Variants in XKR6 observed in about 807,000 individuals in gnomAD.
The protein encoded by XKR6 is XK related 6.
XKR6 carries 22 observed loss-of-function variants against 56.7 expected under a neutral mutation model. That is an observed-to-expected ratio of 0.39 (90% CI 0.28 to 0.55). XKR6 has a LOEUF of 0.55. Among genes scored for constraint, XKR6 ranks in the 20% least tolerant of loss-of-function variants. The probability of loss-of-function intolerance (pLI) is 0.66; values close to 1 mark genes in which losing one functional copy is unlikely to be tolerated. For synonymous variants in XKR6, 524 were observed against 387.8 expected, an observed-to-expected ratio of 1.35 and a Z score of -4.13; for missense variants, 852 against 889.0, an observed-to-expected ratio of 0.96 and a Z score of 0.53.
rs1804130853 is a variant in XKR6 at position 11,200,234 on chromosome 8, A to G, written c.764+342T>C. Among the ~76,000 whole-genome samples, 1 of 152,204 alleles carries G rather than the reference A, an allele frequency of 6.6e-6. No homozygotes were observed. The highest frequency in any genetic ancestry group is 6.5e-5 in the Admixed American group (1 of 15,288). ...GGGGCCGCGAGCTGGGGTGCAGCCC[A>G]GGGCGCCCGCAGCTGGTTACCTCGG... On this transcript the variant is annotated intron_variant, in intron 1 of 2. Coordinates refer to ENST00000416569, the MANE Select transcript of XKR6 (RefSeq NM_173683.4). The surrounding 1 kb of genome is among the most constrained non-coding windows in gnomAD (Gnocchi z 6.4).
intron 1 of XKR6, among the ~76,000 whole-genome samples, chr8:10,999,195 A>T (rs1190734824): frequency 6.6e-6 from 1 of 152,244 alleles, no homozygotes; most frequent in East Asian, 1.9e-4. Flanking sequence ...TGAAGGGCTC[A>T]ATCGTGGGAT....
intron 1 of XKR6, among the ~76,000 whole-genome samples, chr8:10,949,498 A>G (rs1586343319): frequency 1.3e-5 from 2 of 152,230 alleles, no homozygotes; most frequent in African/African-American, 4.8e-5. Flanking sequence ...CTCTGTAGCC[A>G]GGAAGGCACA....
At chr8:11,010,217 G>C (rs1247764751) in intron 1 of XKR6, among the ~76,000 whole-genome samples, 3 of 152,170 alleles carry the variant, frequency 2.0e-5, no homozygotes, top group Non-Finnish European at 2.9e-5. Context: ...GATTTCATGA[G>C]AACTCACTTG....
At chr8:11,077,164 A>C (rs1184790648) in intron 1 of XKR6, among the ~76,000 whole-genome samples, 1 of 152,106 alleles carries the variant, frequency 6.6e-6, no homozygotes, top group Non-Finnish European at 1.5e-5. Context: ...GCAACAGAGC[A>C]AGACTCTGTC....
chr8:11,173,956 G>T (rs945047637), intron 1 of XKR6, among the ~76,000 whole-genome samples: 1 of 152,146 alleles, frequency 6.6e-6, no homozygotes, highest in Non-Finnish European at 1.5e-5. Flanking sequence ...GGTTACCCTC[G>T]GGTGCTTTGG....
intron 1 of XKR6, among the ~76,000 whole-genome samples, chr8:11,100,859 C>CA (rs1462870514): frequency 1.3e-5 from 2 of 152,210 alleles, no homozygotes; most frequent in African/African-American, 4.8e-5. Flanking sequence ...GCCTCCGAGT[C>CA]AGTGCTTTGA....
intron 1 of XKR6, among the ~76,000 whole-genome samples, chr8:11,076,470 G>C (rs944469794): frequency 6.6e-6 from 1 of 152,182 alleles, no homozygotes; most frequent in African/African-American, 2.4e-5. Flanking sequence ...CATCAGCAGA[G>C]GAGCAGTGAC....
At chr8:10,911,538 A>AAT (rs200844309) in intron 2 of XKR6, among the ~76,000 whole-genome samples, 3 of 145,518 alleles carry the variant, frequency 2.1e-5, no homozygotes, top group Non-Finnish European at 3.0e-5. Flanking sequence ...AGAGGGGGTG[A>AAT]ATATATATAT....
At chr8:11,182,237 C>T (rs1023480205) in intron 1 of XKR6, among the ~76,000 whole-genome samples, 2 of 152,196 alleles carry the variant, frequency 1.3e-5, no homozygotes, top group Admixed American at 6.5e-5. Flanking sequence ...TGGTGAGCCC[C>T]ATGACCACAG....
chr8:11,111,295 G>A (rs965744444), intron 1 of XKR6, among the ~76,000 whole-genome samples: 3 of 152,044 alleles, frequency 2.0e-5, no homozygotes, highest in Non-Finnish European at 4.4e-5. Context: ...AGGAGGTGGC[G>A]GCTGGAGGGC....
intron 1 of XKR6, among the ~76,000 whole-genome samples, chr8:11,053,424 CTAAT>C (rs1223700520): frequency 6.6e-6 from 1 of 152,242 alleles, no homozygotes; most frequent in Admixed American, 6.5e-5. Context: ...CCTTCTGGTG[CTAAT>C]TAGAAAGAAA....
intron 1 of XKR6, among the ~76,000 whole-genome samples, chr8:11,008,789 C>T (rs1459256979): frequency 6.6e-6 from 1 of 152,048 alleles, no homozygotes; most frequent in Non-Finnish European, 1.5e-5. Flanking sequence ...GATGGAGCCA[C>T]GGTCAAGCGC....
chr8:11,049,925 T>C (rs1374324363), intron 1 of XKR6, among the ~76,000 whole-genome samples: 5 of 152,182 alleles, frequency 3.3e-5, no homozygotes, highest in African/African-American at 1.2e-4. Context: ...CCCCCTTCTG[T>C]GCCTCAATTT....
At position 11,199,543 on chromosome 8, in the gene XKR6, A is replaced by C. The variant is rs549741118; in HGVS notation, c.764+1033T>G. Among the ~76,000 whole-genome samples, 357 of 152,328 alleles carry C rather than the reference A, an allele frequency of 2.3e-3. 2 individuals carry two copies. Among genetic ancestry groups the C allele is most frequent in the African/African-American group, 8.2e-3 (340 of 41,570 alleles). The stretch of plus-strand genomic sequence containing the variant: ...GTCCCTGTGTAATTTATCTTCAGTA[A>C]GATTTTTTTCTCTTGCAAATGCTCT... On this transcript the variant is annotated intron_variant, in intron 1 of 2. Coordinates refer to ENST00000416569, the MANE Select transcript of XKR6 (RefSeq NM_173683.4).
intron 1 of XKR6, among the ~76,000 whole-genome samples, chr8:11,020,368 T>A (rs983772136): frequency 6.6e-6 from 1 of 152,142 alleles, no homozygotes; most frequent in African/African-American, 2.4e-5. Flanking sequence ...CATCCAAATA[T>A]CTAGTCATTC....
intron 1 of XKR6, among the ~76,000 whole-genome samples, chr8:11,198,538 A>G (rs1031608827): frequency 6.6e-6 from 1 of 152,046 alleles, no homozygotes; most frequent in South Asian, 2.1e-4. Flanking sequence ...ATACTACCCT[A>G]CATACAACTA....
At chr8:11,130,443 G>A (rs1431038512) in intron 1 of XKR6, among the ~76,000 whole-genome samples, 1 of 152,098 alleles carries the variant, frequency 6.6e-6, no homozygotes, top group Non-Finnish European at 1.5e-5. Flanking sequence ...AGGATCAGGG[G>A]CGAGAACCGG....
At position 11,201,120 on chromosome 8, in the gene XKR6, G is replaced by A. The variant is rs1308302694; in HGVS notation, c.220C>T (p.Leu74=). The A allele has an allele frequency of 6.6e-6, 10 of 1,506,924 alleles. No individual in the cohort carries two copies. In the East Asian group the frequency reaches 1.9e-4, roughly 28 times the overall value. 93.3% of individuals were successfully genotyped at this position (1,506,924 alleles called of 1,614,324 possible). Residue 74 remains leucine (L), a synonymous_variant, in exon 1 of 3, where the codon CTG becomes TTG. Transcript: ENST00000416569. The part of the protein sequence containing the change: ...SCYWGCRSAC[L]RSLLGRKPRR... ...GGCTTCCTGCCCAGGAGGGAGCGCAGGCAGGCGGAGCGGCAGCCCCAGTAG... is the reference window on the plus strand; with the variant it reads ...GGCTTCCTGCCCAGGAGGGAGCGCAAGCAGGCGGAGCGGCAGCCCCAGTAG...
chr8:11,095,091 T>A (rs970918027), intron 1 of XKR6, among the ~76,000 whole-genome samples: 2 of 152,186 alleles, frequency 1.3e-5, no homozygotes, highest in Admixed American at 1.3e-4. Context: ...AATTTCCTTA[T>A]AAAATCTTTA....
Sources: gnomAD v4.1 joint callset for allele counts (sites outside exome capture counted in the v4.1 genomes callset) on GRCh38, gnomAD v4.1.1 for gene constraint, Gnocchi (gnomAD v3.1) non-coding constraint, MANE v1.5 for transcripts, NCBI Gene and HGNC (gene_info 2026-07-23, HGNC 2026-07-21) for gene names.